The following NCOA7 variants were observed in gnomAD, a reference collection of about 807,000 sequenced individuals.
The protein encoded by NCOA7 is nuclear receptor coactivator 7.
Under a neutral mutation model 104.3 loss-of-function variants are expected in NCOA7, and 45 were observed. The observed-to-expected ratio is 0.43, with a 90% CI of 0.34 to 0.55. The LOEUF is 0.55. Ranked by LOEUF, NCOA7 falls within the 20% of genes least tolerant of loss-of-function variation. NCOA7 has a pLI of 0.02. For synonymous variants in NCOA7, 398 were observed against 402.3 expected, an observed-to-expected ratio of 0.99 and a Z score of 0.13; for missense variants, 1,041 against 1,119.7, an observed-to-expected ratio of 0.93 and a Z score of 1.00.
At chr6:125,809,365 T>A (rs2128562499) in intron 1 of NCOA7, among the ~76,000 whole-genome samples, 2 of 152,208 alleles carry the variant, frequency 1.3e-5, no homozygotes, top group Middle Eastern at 6.8e-3. Context: ...GTGTTTTTAG[T>A]AGAGATGGAG....
At chr6:125,828,431 G>T (rs1201683015) in intron 2 of NCOA7, among the ~76,000 whole-genome samples, 1 of 152,194 alleles carries the variant, frequency 6.6e-6, no homozygotes, top group East Asian at 1.9e-4. Flanking sequence ...GTGAATAGGA[G>T]GTAAGGGAGT....
intron 13 of NCOA7, among the ~76,000 whole-genome samples, chr6:125,926,365 T>C (rs965220038): frequency 6.6e-6 from 1 of 151,950 alleles, no homozygotes; most frequent in Non-Finnish European, 1.5e-5. Flanking sequence ...AAGAAAATAT[T>C]TAAAATTCTA....
chr6:125,916,024 A>G (rs1035685251), intron 11 of NCOA7, among the ~76,000 whole-genome samples: 2 of 152,218 alleles, frequency 1.3e-5, no homozygotes, highest in African/African-American at 4.8e-5. Context: ...ACAAGCTGAT[A>G]TAGTTTGGCT....
chr6:125,906,511 G>A (rs1786019986), intron 10 of NCOA7, among the ~76,000 whole-genome samples: 1 of 152,162 alleles, frequency 6.6e-6, no homozygotes, highest in Admixed American at 6.5e-5. Flanking sequence ...CATCCCAAGA[G>A]AAGAGCTGGA....
chr6:125,930,718 C>A lies in NCOA7; in HGVS notation c.*1947C>A, dbSNP rs2128706463. 1 of 152,314 alleles carries A rather than the reference C, an allele frequency of 6.6e-6. No individual in the cohort carries two copies. The highest frequency in any genetic ancestry group is 1.5e-5 in the Non-Finnish European group (1 of 68,018). 9.4% of individuals were successfully genotyped at this position (152,314 alleles called of 1,614,324 possible). A position where few individuals can be genotyped will look rare whatever the true frequency, so the allele number is the denominator to read the frequency against. Reference sequence around the variant, plus strand: ...AAATGAATGCTATAAAATTTTAAATCTGTAGCCTGGGTGTACGTTTCACTC... The same window carrying A: ...AAATGAATGCTATAAAATTTTAAATATGTAGCCTGGGTGTACGTTTCACTC... On this transcript the variant is annotated 3_prime_UTR_variant, in exon 16 of 16. Transcript: ENST00000392477.
rs557769761 is a variant in NCOA7, at chr6:125,894,275, G to A, written c.2096+3465G>A. ...GTAAACCAAAGTATCTCCAGACATTGCCAAAATGTCCTCTGGAGGACAAAA... is the reference window on the plus strand; with the variant it reads ...GTAAACCAAAGTATCTCCAGACATTACCAAAATGTCCTCTGGAGGACAAAA... On this transcript the variant is annotated intron_variant, in intron 10 of 15. Transcript: ENST00000392477. 2.1e-3 allele frequency among the ~76,000 whole-genome samples: 314 copies of A among 152,220 alleles called. 1 individual carries two copies. The highest frequency in any genetic ancestry group is 6.3e-3 in the African/African-American group (262 of 41,532).
At chr6:125,854,904 A>G (rs1781421523) in intron 2 of NCOA7, 116 bp from the exon 3 acceptor site, 1 of 660,926 alleles carries the variant, frequency 1.5e-6, no homozygotes, top group African/African-American at 1.8e-5. Context: ...TATTATAAGG[A>G]AAGTGTTTTC....
chr6:125,907,481 C>T (rs1269623836), intron 10 of NCOA7, among the ~76,000 whole-genome samples: 3 of 152,266 alleles, frequency 2.0e-5, no homozygotes, highest in South Asian at 2.1e-4. Context: ...GGTGCAGGAG[C>T]GGGAATAACA....
At chr6:125,790,825 G>C (rs1774759209), upstream of NCOA7, 1 of 152,252 alleles carries the variant, frequency 6.6e-6, no homozygotes, top group African/African-American at 2.4e-5. Flanking sequence ...AGAGGCCTAA[G>C]ACACCCCGAC....
chr6:125,848,498 C>T (rs1780825989), intron 2 of NCOA7, among the ~76,000 whole-genome samples: 1 of 152,100 alleles, frequency 6.6e-6, no homozygotes, highest in African/African-American at 2.4e-5. Context: ...ATATCCTTTA[C>T]AGGGACATGA....
chr6:125,795,257 A>G (rs1373144899), intron 1 of NCOA7, among the ~76,000 whole-genome samples: 1 of 152,220 alleles, frequency 6.6e-6, no homozygotes, highest in African/African-American at 2.4e-5. Flanking sequence ...AACTTAAAAC[A>G]TAAGAGGGGG....
chr6:125,828,010 C>T (rs1245506367), intron 2 of NCOA7, among the ~76,000 whole-genome samples: 2 of 152,312 alleles, frequency 1.3e-5, no homozygotes, highest in East Asian at 3.9e-4. Context: ...ACAAGACAAC[C>T]ACTAAATACA....
intron 1 of NCOA7, among the ~76,000 whole-genome samples, chr6:125,812,740 C>T (rs1006790031): frequency 1.3e-5 from 2 of 152,190 alleles, no homozygotes; most frequent in Admixed American, 6.5e-5. Flanking sequence ...CGATTTCTTA[C>T]CTCCTTCTGC....
At position 125,841,991 on chromosome 6, in the gene NCOA7, G is replaced by A. The variant is rs982694481; in HGVS notation, c.51-13029G>A. Among the ~76,000 whole-genome samples, 19 of 152,230 alleles carry A rather than the reference G, an allele frequency of 1.2e-4. No homozygotes were observed. The East Asian group carries it at 2.3e-3, about 19-fold the overall frequency. Reference sequence around the variant, plus strand: ...AAAGTATATTATCATAAAAGGGTACGTATGTCTAAAATTATTCAAAAGCAA... The same window carrying A: ...AAAGTATATTATCATAAAAGGGTACATATGTCTAAAATTATTCAAAAGCAA... On this transcript the variant is annotated intron_variant, in intron 2 of 15. Transcript: ENST00000392477.
At chr6:125,880,461 G>T (rs1233131252) in intron 5 of NCOA7, among the ~76,000 whole-genome samples, 4 of 151,790 alleles carry the variant, frequency 2.6e-5, no homozygotes, top group Non-Finnish European at 4.4e-5. Context: ...CACTTGGCCT[G>T]CCCAGAATAC....
chr6:125,799,185 C>T (rs1775634448), intron 1 of NCOA7, among the ~76,000 whole-genome samples: 1 of 152,146 alleles, frequency 6.6e-6, no homozygotes, highest in Admixed American at 6.5e-5. Flanking sequence ...GAACTTGGCA[C>T]TTCAGTGGGG....
intron 3 of NCOA7, among the ~76,000 whole-genome samples, chr6:125,872,997 C>T (rs968479178): frequency 5.3e-5 from 8 of 152,042 alleles, no homozygotes; most frequent in South Asian, 2.1e-4. Context: ...ATTTTTTCCT[C>T]GTAGCTTTAA....
rs541352984 is a variant in NCOA7, at chr6:125,819,214, T to C, written c.50+3810T>C. Among the ~76,000 whole-genome samples the C allele has an allele frequency of 5.9e-5, 9 of 152,248 alleles. No homozygotes were observed. The East Asian group carries it at 1.5e-3, about 26-fold the overall frequency. On this transcript the variant is annotated intron_variant, in intron 2 of 15. Transcript: ENST00000392477. ...TTGTGTGACTGTGTTTGATAAATAG[T>C]CCTTTGCCAAACCTGTTTTGTTGAC... is the stretch of plus-strand genomic sequence containing the variant.
At chr6:125,881,772 TAA>T (rs1242478250) in intron 6 of NCOA7, among the ~76,000 whole-genome samples, 1 of 146,674 alleles carries the variant, frequency 6.8e-6, no homozygotes. Context: ...CTCCTTTTTT[TAA>T]AAAAAAAAAA....
Sources: allele counts gnomAD v4.1 joint callset (sites outside exome capture counted in the v4.1 genomes callset), GRCh38; gene constraint gnomAD v4.1.1; transcripts MANE v1.5; gene names NCBI Gene and HGNC (gene_info 2026-07-23, HGNC 2026-07-21).